TAC4: variants seen among roughly 807,000 people sequenced by gnomAD.
The protein encoded by TAC4 is tachykinin precursor 4, also known as tachykinin-4.
In TAC4, 17 loss-of-function variants were observed where a neutral mutation model predicts 17.7. The ratio of observed to expected loss-of-function variants is 0.96; its 90% confidence interval spans 0.66 to 1.44. TAC4 has a LOEUF of 1.44. Among genes scored for constraint, TAC4 ranks in the 40% most tolerant of loss-of-function variants. The probability of loss-of-function intolerance (pLI) is 0.00; values close to 1 mark genes in which losing one functional copy is unlikely to be tolerated. For synonymous variants in TAC4, 62 were observed against 52.4 expected (o/e 1.18, Z -0.79); for missense variants, 118 against 125.6 (o/e 0.94, Z 0.29).
intron 4 of TAC4, 55 bp from the exon 5 acceptor site, chr17:49,838,728 T>C: frequency 6.3e-7 from 1 of 1,590,902 alleles, no homozygotes; most frequent in Middle Eastern, 1.7e-4. Flanking sequence ...GTCTGGCTCC[T>C]CCACCCTTAG....
chr17:49,847,696 C>CAG (rs1567876916), intron 1 of TAC4: 5 of 264,884 alleles, frequency 1.9e-5, no homozygotes, highest in East Asian at 8.6e-4. Context: ...CACACAGACA[C>CAG]ACACACACAC....
chr17:49,842,300 G>C (rs2074504409), intron 2 of TAC4, among the ~76,000 whole-genome samples: 1 of 151,938 alleles, frequency 6.6e-6, no homozygotes, highest in Non-Finnish European at 1.5e-5. Flanking sequence ...GGAGTCTGAG[G>C]TGGGCGAATC....
intron 1 of TAC4, chr17:49,846,853 G>C: frequency 1.1e-6 from 1 of 887,096 alleles, no homozygotes; most frequent in Non-Finnish European, 1.5e-6. Flanking sequence ...CAGGTACCCT[G>C]ATGTTTGGCA....
Position 49,841,544 on chromosome 17 carries a change from A to G in TAC4, c.232+8T>C, listed in dbSNP as rs912995028. 2 of 1,580,560 alleles carry G rather than the reference A, an allele frequency of 1.3e-6. No homozygotes were observed. The highest frequency in any genetic ancestry group is 1.8e-5 in the Admixed American group (1 of 55,668). ...GGCATGTTGAAGGCAGGTTTGGGCA[A>G]TACTTACCTTTTTTTCTCCTTGGCT... is the stretch of plus-strand genomic sequence containing the variant. On this transcript the variant is annotated splice_region_variant and intron_variant, in intron 3 of 4. Transcript: ENST00000436235.
In TAC4 at chr17:49,841,447, G is replaced by GC. The variant is rs2074497397; in HGVS notation, c.232+104dup. 6 of 1,221,186 alleles carry GC rather than the reference G, an allele frequency of 4.9e-6. No homozygotes were observed. The South Asian group carries it at 1.1e-4, about 22-fold the overall frequency. The allele number at this position is 1,221,186 out of a possible 1,614,324, so 75.6% of individuals were successfully genotyped here. On this transcript the variant is annotated intron_variant, in intron 3 of 4. Transcript: ENST00000436235. ...CTGCACAGCAATGCCAGCCTGGCTT[G>GC]CCCCTGGCCAGAGCATCTCCCCTCA...
chr17:49,845,534 CAG>C (rs2074531320), intron 1 of TAC4, among the ~76,000 whole-genome samples: 2 of 152,216 alleles, frequency 1.3e-5, no homozygotes, highest in Non-Finnish European at 2.9e-5. Context: ...ACATGGGACA[CAG>C]AATGCCAAAT....
At chr17:49,847,486 G>A in intron 1 of TAC4, 1 of 364,794 alleles carries the variant, frequency 2.7e-6, no homozygotes, top group African/African-American at 2.1e-5. Flanking sequence ...GTGTGTAGTT[G>A]TGCTTTTGAA....
intron 3 of TAC4, among the ~76,000 whole-genome samples, chr17:49,841,314 C>G (rs1018089931): frequency 1.4e-5 from 2 of 144,680 alleles, no homozygotes; most frequent in Non-Finnish European, 3.0e-5. Flanking sequence ...GCTGGTCGAA[C>G]TAGATCCATC....
At chr17:49,840,695 G>C (rs1354350116) in intron 3 of TAC4, among the ~76,000 whole-genome samples, 1 of 151,756 alleles carries the variant, frequency 6.6e-6, no homozygotes, top group Non-Finnish European at 1.5e-5. Context: ...TAGAGACAGG[G>C]TTTCACCACG....
chr17:49,841,687 G>A lies in TAC4; in HGVS notation c.200-103C>T, dbSNP rs1192261202. On this transcript the variant is annotated intron_variant, in intron 2 of 4. Coordinates refer to ENST00000436235, the MANE Select transcript of TAC4 (RefSeq NM_001077506.2). ...TTCTTTGAGGGTTGGTGCATTGGTG[G>A]GTCTTCAGTAGAATTCTAGTCATCC... The A allele has an allele frequency of 4.2e-6, 5 of 1,199,074 alleles. No individual in the cohort carries two copies. The Admixed American group carries it at 1.5e-4, about 37-fold the overall frequency. The allele number at this position is 1,199,074 out of a possible 1,614,324, so 74.3% of individuals were successfully genotyped here. A position where few individuals can be genotyped will look rare whatever the true frequency, so the allele number is the denominator to read the frequency against.
intron 1 of TAC4, chr17:49,846,247 T>A (rs182510581): frequency 2.2e-5 from 28 of 1,286,358 alleles, no homozygotes; most frequent in Non-Finnish European, 2.7e-5. Flanking sequence ...GGGAGGTAAG[T>A]GATGCGATCA....
At chr17:49,847,787 CA>C in intron 1 of TAC4, 125 bp downstream of exon 1, 2 of 1,546,404 alleles carry the variant, frequency 1.3e-6, no homozygotes, top group South Asian at 2.4e-5. Context: ...GAGAGTCAGA[CA>C]ACTTGCCTTG....
chr17:49,846,168 C>T lies in TAC4; in HGVS notation c.105+1745G>A, dbSNP rs886772635. 4 of 1,284,776 alleles carry T rather than the reference C, an allele frequency of 3.1e-6. No individual in the cohort carries two copies. The African/African-American group carries it at 6.1e-5, about 20-fold the overall frequency. The allele number at this position is 1,284,776 out of a possible 1,614,324, so 79.6% of individuals were successfully genotyped here. On this transcript the variant is annotated intron_variant, in intron 1 of 4. Coordinates refer to ENST00000436235, the MANE Select transcript of TAC4 (RefSeq NM_001077506.2). ...AGGACTCCTGCCCCCAGCCGGAGCC[C>T]TCCATATCCATTTAACCCAAATCCC...
chr17:49,841,473 C>G (rs1032524986), intron 3 of TAC4, 79 bp downstream of exon 3: 7 of 1,438,032 alleles, frequency 4.9e-6, no homozygotes, highest in Non-Finnish European at 6.5e-6. Flanking sequence ...TCTCCCCTCA[C>G]CCACCTGGTT....
intron 3 of TAC4, among the ~76,000 whole-genome samples, chr17:49,841,058 T>TTAGTTGTA (rs2074493932): frequency 6.7e-6 from 1 of 150,002 alleles, no homozygotes. Flanking sequence ...GTTTGCATTT[T>TTAGTTGTA]TAGTTGTATT....
chr17:49,845,492 C>T (rs2074530974), intron 1 of TAC4, among the ~76,000 whole-genome samples: 1 of 152,212 alleles, frequency 6.6e-6, no homozygotes, highest in Non-Finnish European at 1.5e-5. Context: ...CAGCTCCTGG[C>T]ACTGAGCCTT....
chr17:49,845,238 C>T (rs560946587), intron 1 of TAC4, among the ~76,000 whole-genome samples: 76 of 152,316 alleles, frequency 5.0e-4, no homozygotes, highest in African/African-American at 1.8e-3. Context: ...GGGGTGGAGG[C>T]TATTACCCTG....
chr17:49,844,594 A>AT (rs994115432), intron 1 of TAC4, among the ~76,000 whole-genome samples: 1 of 152,022 alleles, frequency 6.6e-6, no homozygotes. Context: ...CCCGTCTCTA[A>AT]TAAAAATACA....
intron 2 of TAC4, among the ~76,000 whole-genome samples, chr17:49,843,836 T>C (rs1409332424): frequency 6.6e-6 from 1 of 152,126 alleles, no homozygotes. Flanking sequence ...TTAAGTGATG[T>C]ACCCACCTCG....
Sources: gnomAD v4.1 joint callset for allele counts (sites outside exome capture counted in the v4.1 genomes callset) on GRCh38, gnomAD v4.1.1 for gene constraint, MANE v1.5 for transcripts, NCBI Gene and HGNC (gene_info 2026-07-23, HGNC 2026-07-21) for gene names.